The following MTUS1 variants were observed in gnomAD, a reference collection of about 807,000 sequenced individuals.
MTUS1 encodes the protein microtubule-associated tumor suppressor 1.
A neutral mutation model predicts 120.8 loss-of-function variants in MTUS1; 109 were observed. The observed-to-expected ratio is 0.90, with a 90% CI of 0.77 to 1.06. The LOEUF (loss-of-function observed/expected upper bound fraction) is 1.06, where lower values mean the gene tolerates loss of function less well. MTUS1 is among the 50% of genes least tolerant of loss of function. MTUS1 has a pLI of 0.00. For missense variants in MTUS1, 2,210 were observed against 1,486.3 expected, an observed-to-expected ratio of 1.49 and a Z score of -8.01; for synonymous variants, 737 against 550.5, an observed-to-expected ratio of 1.34 and a Z score of -4.74.
At chr8:17,699,319 G>A (rs906123119) in intron 6 of MTUS1, among the ~76,000 whole-genome samples, 4 of 152,172 alleles carry the variant, frequency 2.6e-5, no homozygotes, top group African/African-American at 9.7e-5. Flanking sequence ...CCGGGTTCAA[G>A]TGATTCTCCT....
At chr8:17,714,386 G>C (rs924524841) in intron 5 of MTUS1, among the ~76,000 whole-genome samples, 4 of 152,134 alleles carry the variant, frequency 2.6e-5, no homozygotes, top group Non-Finnish European at 5.9e-5. Context: ...CTCTGAGAAA[G>C]TTACTAATAG....
rs755402049 is a variant in MTUS1 at position 17,644,212 on chromosome 8, T to G, written c.*1714A>C. ...CATTTCCATTTATCAGAAGCAAACA[T>G]GGAAGGTTACATACATGATGAAGTA... On this transcript the variant is annotated 3_prime_UTR_variant, in exon 15 of 15. Coordinates refer to ENST00000693296, the MANE Select transcript of MTUS1 (RefSeq NM_001363059.2). The G allele has an allele frequency of 6.6e-6, 1 of 152,426 alleles. No homozygotes were observed. Among genetic ancestry groups the G allele is most frequent in the East Asian group, 1.9e-4 (1 of 5,184 alleles). 9.4% of individuals were successfully genotyped at this position (152,426 alleles called of 1,614,324 possible).
intron 3 of MTUS1, among the ~76,000 whole-genome samples, chr8:17,725,819 T>C (rs1229821286): frequency 6.6e-6 from 1 of 152,194 alleles, no homozygotes; most frequent in Non-Finnish European, 1.5e-5. Context: ...TCAGCATATT[T>C]TATGTGTGGC....
intron 8 of MTUS1, among the ~76,000 whole-genome samples, chr8:17,656,357 G>A (rs1808226561): frequency 6.6e-6 from 1 of 151,946 alleles, no homozygotes; most frequent in African/African-American, 2.4e-5. Flanking sequence ...GTAAAACCCT[G>A]TCTATCTTAA....
intron 2 of MTUS1, among the ~76,000 whole-genome samples, chr8:17,753,151 G>C (rs188365051): frequency 6.6e-6 from 1 of 152,038 alleles, no homozygotes; most frequent in Non-Finnish European, 1.5e-5. Flanking sequence ...CATCCACTAG[G>C]TCCAATCCTT....
At chr8:17,723,461 C>T in intron 4 of MTUS1, 1 of 614,224 alleles carries the variant, frequency 1.6e-6, no homozygotes, top group Middle Eastern at 2.7e-4. Flanking sequence ...TCGAATCCTT[C>T]ATGCAAAAAT....
chr8:17,765,849 C>T (rs146162194), intron 1 of MTUS1, among the ~76,000 whole-genome samples: 1 of 152,094 alleles, frequency 6.6e-6, no homozygotes, highest in Non-Finnish European at 1.5e-5. Context: ...ATAAAAATAA[C>T]CACTCACAAA....
At chr8:17,740,895 C>T (rs1295539843) in intron 3 of MTUS1, among the ~76,000 whole-genome samples, 2 of 152,116 alleles carry the variant, frequency 1.3e-5, no homozygotes, top group Admixed American at 6.5e-5. Flanking sequence ...AAGAGAGTTT[C>T]GCTCTTGCTA....
At chr8:17,669,356 A>C (rs1259385778) in intron 8 of MTUS1, among the ~76,000 whole-genome samples, 3 of 152,180 alleles carry the variant, frequency 2.0e-5, no homozygotes, top group African/African-American at 7.2e-5. Flanking sequence ...TACCGTGCAA[A>C]AGATGTGGAC....
At chr8:17,761,305 C>T (rs137970803) in intron 1 of MTUS1, among the ~76,000 whole-genome samples, 6 of 152,272 alleles carry the variant, frequency 3.9e-5, no homozygotes, top group African/African-American at 1.2e-4. Context: ...ATTATTTCTT[C>T]ATGTGAAGAG....
intron 8 of MTUS1, among the ~76,000 whole-genome samples, chr8:17,666,612 T>A (rs1004680812): frequency 6.6e-6 from 1 of 152,096 alleles, no homozygotes; most frequent in African/African-American, 2.4e-5. Context: ...TCAATTTCCA[T>A]TAAGGGAAAG....
Position 17,753,878 on chromosome 8 carries a change from T to C in MTUS1, c.1930A>G (p.Lys644Glu), listed in dbSNP as rs144780663. 4 of 1,614,040 alleles carry C rather than the reference T, an allele frequency of 2.5e-6. No homozygotes were observed. In the African/African-American group the frequency reaches 5.3e-5, roughly 22 times the overall value. Residue 644 changes from lysine to glutamate, a missense_variant, in exon 2 of 15, where the codon AAA becomes GAA. By Grantham distance (56) the Lys-to-Glu change is moderately conservative (BLOSUM62 1). Coordinates refer to ENST00000693296, the MANE Select transcript of MTUS1 (RefSeq NM_001363059.2). ...FQKIKGILPV[K>E]MESAECLEMT... ...TCCAAACATTCTGCACTTTCCATTT[T>C]AACAGGGAGTATGCCTTTGATCTTC...
chr8:17,769,560 G>C (rs1320951834), intron 1 of MTUS1, among the ~76,000 whole-genome samples: 2 of 151,506 alleles, frequency 1.3e-5, no homozygotes, highest in Admixed American at 6.6e-5. Context: ...CGTTAGCCAG[G>C]ATGGTCTCGA....
intron 14 of MTUS1, among the ~76,000 whole-genome samples, chr8:17,646,491 G>A (rs754400018): frequency 8.5e-5 from 13 of 152,188 alleles, no homozygotes; most frequent in Non-Finnish European, 1.5e-4. Flanking sequence ...AGGAGGCTGA[G>A]GTGGGAGGAC....
At chr8:17,650,609 C>G (rs1806774530) in intron 12 of MTUS1, among the ~76,000 whole-genome samples, 1 of 152,144 alleles carries the variant, frequency 6.6e-6, no homozygotes, top group African/African-American at 2.4e-5. Context: ...ACTCAGGAGG[C>G]TGAGGCGGGA....
chr8:17,647,438 C>T (rs10087447), intron 13 of MTUS1, among the ~76,000 whole-genome samples: 137,550 of 151,292 alleles, frequency 0.91, 62,782 homozygotes, highest in Non-Finnish European at 0.96. Flanking sequence ...TTATCTATCT[C>T]CTTACGGTGA....
chr8:17,647,445 G>A (rs1442154175), intron 13 of MTUS1, among the ~76,000 whole-genome samples: 2 of 149,666 alleles, frequency 1.3e-5, no homozygotes. Context: ...TCTCCTTACG[G>A]TGAATTTTGC....
chr8:17,795,090 G>A (rs2052113897), intron 1 of MTUS1, among the ~76,000 whole-genome samples: 1 of 152,118 alleles, frequency 6.6e-6, no homozygotes, highest in Non-Finnish European at 1.5e-5. Context: ...ATCCAGATTG[G>A]TATATGTGTA....
intron 1 of MTUS1, among the ~76,000 whole-genome samples, chr8:17,790,552 C>T (rs1217911126): frequency 6.8e-6 from 1 of 147,756 alleles, no homozygotes; most frequent in Non-Finnish European, 1.5e-5. Flanking sequence ...GTAATGATCT[C>T]TAACTGTCAA....
Sources: allele counts gnomAD v4.1 joint callset (sites outside exome capture counted in the v4.1 genomes callset), GRCh38; gene constraint gnomAD v4.1.1; transcripts MANE v1.5; gene names NCBI Gene and HGNC (gene_info 2026-07-23, HGNC 2026-07-21).